Variants in GOLGA2 observed in about 807,000 individuals in gnomAD.
GOLGA2 encodes the protein golgin subfamily A member 2.
In GOLGA2, 49 loss-of-function variants were observed where a neutral mutation model predicts 148.8. The ratio of observed to expected loss-of-function variants is 0.33; its 90% confidence interval spans 0.26 to 0.42. GOLGA2 has a LOEUF of 0.42. Among genes scored for constraint, GOLGA2 ranks in the 10% least tolerant of loss-of-function variants. The pLI, the probability that GOLGA2 is intolerant of heterozygous loss-of-function variation, is 1.00. For synonymous variants in GOLGA2, 501 were observed against 511.8 expected (o/e 0.98, Z 0.28); for missense variants, 1,178 against 1,304.6 (o/e 0.90, Z 1.49).
At position 128,261,700 on chromosome 9, in the gene GOLGA2, C is replaced by T. The variant is rs1247707457; in HGVS notation, c.1192G>A (p.Glu398Lys). The T allele has an allele frequency of 1.2e-6, 2 of 1,612,966 alleles. No homozygotes were observed. Among genetic ancestry groups the T allele is most frequent in the Non-Finnish European group, 1.7e-6 (2 of 1,179,020 alleles). The stretch of plus-strand genomic sequence containing the variant: ...AGGTGTGCTTCCAGCTGTGCCCGCT[C>T]CTCCATGGCCTGCTGTAACTGCTGG... ...ANQQLQQAMEERAQLEAHLGQ... is the reference protein window; with the variant it reads ...ANQQLQQAMEKRAQLEAHLGQ... The change falls in exon 15 of 27, where the codon GAG (glutamate) becomes AAG (lysine). Residue 398 changes from glutamate (E) to lysine (K), a missense_variant. Transcript: ENST00000611957. This position sits in a 1 kb window ranked among gnomAD's most constrained non-coding sequence, Gnocchi z 5.7.
Position 128,266,357 on chromosome 9 carries a change from G to T in GOLGA2, c.643-32C>A. ...GGAAGAGTCAAAGGAAGGTGACTGA[G>T]GGTGGCCCCCTCAACTCTATTCCCC... On this transcript the variant is annotated intron_variant, in intron 8 of 26. Transcript: ENST00000611957. The surrounding 1 kb of genome is among the most constrained non-coding windows in gnomAD (Gnocchi z 4.2). The T allele has an allele frequency of 6.2e-7, 1 of 1,602,400 alleles. No homozygotes were observed. The highest frequency in any genetic ancestry group is 8.5e-7 in the Non-Finnish European group (1 of 1,170,806).
In GOLGA2 at chr9:128,266,257, T is replaced by C. The variant is rs748018942; in HGVS notation, c.681+30A>G. Reference sequence around the variant, plus strand: ...GAATGCCCCCCAAACCCAGCAGTCATGTTGTGAGCAAACAAAGAAATCACG... The same window carrying C: ...GAATGCCCCCCAAACCCAGCAGTCACGTTGTGAGCAAACAAAGAAATCACG... On this transcript the variant is annotated intron_variant, in intron 9 of 26. Coordinates refer to ENST00000611957, the MANE Select transcript of GOLGA2 (RefSeq NM_001366244.2). The surrounding 1 kb of genome is among the most constrained non-coding windows in gnomAD (Gnocchi z 4.2). The C allele has an allele frequency of 1.3e-6, 2 of 1,589,616 alleles. No individual in the cohort carries two copies. The highest frequency in any genetic ancestry group is 1.7e-6 in the Non-Finnish European group (2 of 1,158,066).
intron 3 of GOLGA2, among the ~76,000 whole-genome samples, chr9:128,270,727 C>T (rs146178888): frequency 1.1e-3 from 164 of 151,914 alleles, no homozygotes; most frequent in East Asian, 7.5e-3. Flanking sequence ...ACATTGGAAA[C>T]AGTTACGGAT....
chr9:128,268,043 G>A (rs1830704564), intron 5 of GOLGA2, 46 bp from the exon 6 acceptor site: 1 of 1,603,182 alleles, frequency 6.2e-7, no homozygotes, highest in Admixed American at 1.7e-5. Flanking sequence ...GGCTCAATGG[G>A]AAAGAAGGTC....
intron 3 of GOLGA2, among the ~76,000 whole-genome samples, chr9:128,269,978 C>A (rs529661710): frequency 8.5e-5 from 13 of 152,110 alleles, no homozygotes; most frequent in Non-Finnish European, 1.6e-4. Flanking sequence ...TCTAATAGGT[C>A]AGAGCAAGGG....
In GOLGA2 at chr9:128,256,392, A is replaced by T; in HGVS notation, c.*675T>A. On this transcript the variant is annotated 3_prime_UTR_variant, in exon 27 of 27. Coordinates refer to ENST00000611957, the MANE Select transcript of GOLGA2 (RefSeq NM_001366244.2). The stretch of plus-strand genomic sequence containing the variant: ...TGTAAGAGTAAAGGGATGACTGGGA[A>T]GGGGTGGCAGGCACATGATGGGGGC... 1 of 152,384 alleles carries T rather than the reference A, an allele frequency of 6.6e-6. No individual in the cohort carries two copies. The highest frequency in any genetic ancestry group is 1.5e-5 in the Non-Finnish European group (1 of 68,138). 9.4% of individuals were successfully genotyped at this position (152,384 alleles called of 1,614,324 possible). A position where few individuals can be genotyped will look rare whatever the true frequency, so the allele number is the denominator to read the frequency against.
In GOLGA2 at chr9:128,272,041, A is replaced by T. The variant is rs1273944806; in HGVS notation, c.288+744T>A. ...CTCTTAAACCAAAGTGAATTAATTT[A>T]AAAAAAAAAAAAAAACACTAACTTC... On this transcript the variant is annotated intron_variant, in intron 3 of 26. Transcript: ENST00000611957. Among the ~76,000 whole-genome samples the T allele has an allele frequency of 2.2e-4, 22 of 99,690 alleles. No individual in the cohort carries two copies. The South Asian group carries it at 4.1e-3, about 18-fold the overall frequency. 65.4% of individuals were successfully genotyped at this position (99,690 alleles called of 152,430 possible). A position where few individuals can be genotyped will look rare whatever the true frequency, so the allele number is the denominator to read the frequency against.
chr9:128,267,205 T>A lies in GOLGA2; in HGVS notation c.631A>T (p.Ile211Leu), dbSNP rs201351156. ...YVTNKQLNIT[I>L]EKLKQQNQEI... ...CACTGGACTCTTACCAATTTCTCTATCGTGATATTGAGTTGTTTGTTTGTT... is the reference window on the plus strand; with the variant it reads ...CACTGGACTCTTACCAATTTCTCTAACGTGATATTGAGTTGTTTGTTTGTT... The change falls in exon 8 of 27, where the codon ATA becomes TTA. Residue 211 changes from isoleucine to leucine, a missense_variant. Coordinates refer to ENST00000611957, the MANE Select transcript of GOLGA2 (RefSeq NM_001366244.2). 1.9e-6 allele frequency: 3 copies of A among 1,589,892 alleles called. No homozygotes were observed. Among genetic ancestry groups the A allele is most frequent in the Non-Finnish European group, 2.6e-6 (3 of 1,157,994 alleles).
chr9:128,257,640 C>G lies in GOLGA2; in HGVS notation c.2679G>C (p.Glu893Asp), dbSNP rs1232582964. Residue 893 changes from glutamate to aspartate, a missense_variant, in exon 25 of 27, where the codon GAG becomes GAC. Transcript: ENST00000611957. The surrounding 1 kb of genome is among the most constrained non-coding windows in gnomAD (Gnocchi z 8.0). The stretch of plus-strand genomic sequence containing the variant: ...TGTCTTGGGCCAGCCTGCTGATGTA[C>G]TCCTCCTTCTCCCGGTGCCGCTCCT... The part of the protein sequence containing the change: ...VLKERHREKE[E>D]YISRLAQDKE... 1 of 1,614,164 alleles carries G rather than the reference C, an allele frequency of 6.2e-7. No homozygotes were observed. Among genetic ancestry groups the G allele is most frequent in the Non-Finnish European group, 8.5e-7 (1 of 1,180,022 alleles).
chr9:128,267,389 C>T, intron 7 of GOLGA2, 69 bp downstream of exon 7: 1 of 1,484,028 alleles, frequency 6.7e-7, no homozygotes, highest in Non-Finnish European at 9.4e-7. Context: ...GGGCACCCAG[C>T]CCCCGCTGTG....
intron 1 of GOLGA2, chr9:128,275,522 G>A (rs953766859): frequency 2.8e-5 from 36 of 1,302,188 alleles, no homozygotes; most frequent in Admixed American, 3.9e-5. Flanking sequence ...GGAGCGGGGG[G>A]CCCCGGGAGT....
In GOLGA2 at chr9:128,265,578, G is replaced by GAA; in HGVS notation, c.933+6_933+7insTT. On this transcript the variant is annotated splice_region_variant and intron_variant, in intron 12 of 26. Coordinates refer to ENST00000611957, the MANE Select transcript of GOLGA2 (RefSeq NM_001366244.2). ...TGCCAGGGGACGGGGCAGGCAGTTGGACTCACCCTGTCTGCCTTCTTCTGC... is the reference window on the plus strand; with the variant it reads ...TGCCAGGGGACGGGGCAGGCAGTTGGAAACTCACCCTGTCTGCCTTCTTCTGC... 2.5e-6 allele frequency: 4 copies of GAA among 1,597,244 alleles called. No individual in the cohort carries two copies. The highest frequency in any genetic ancestry group is 3.4e-6 in the Non-Finnish European group (4 of 1,164,996).
chr9:128,256,840 C>A lies in GOLGA2; in HGVS notation c.*227G>T. On this transcript the variant is annotated 3_prime_UTR_variant, in exon 27 of 27. Transcript: ENST00000611957. ...ATAAGTTACCCATAACCTTTTTTAT[C>A]CCATAACTTTTTTTAATCCCATAAC... 2.5e-6 allele frequency: 1 copy of A among 399,668 alleles called. No individual in the cohort carries two copies. The highest frequency in any genetic ancestry group is 4.4e-5 in the South Asian group (1 of 22,742). The allele number at this position is 399,668 out of a possible 1,614,324, so 24.8% of individuals were successfully genotyped here. A position where few individuals can be genotyped will look rare whatever the true frequency, so the allele number is the denominator to read the frequency against.
chr9:128,258,894 G>A lies in GOLGA2; in HGVS notation c.2173+113C>T. 3.8e-6 allele frequency: 3 copies of A among 786,752 alleles called. No homozygotes were observed. Among genetic ancestry groups the A allele is most frequent in the Middle Eastern group, 2.4e-4 (1 of 4,128 alleles). The allele number at this position is 786,752 out of a possible 1,614,324, so 48.7% of individuals were successfully genotyped here. Reference sequence around the variant, plus strand: ...CCGAACTTAGTGTGGACACCCAGTTGGCATAATGACCAGCTGTTCTAAAGG... The same window carrying A: ...CCGAACTTAGTGTGGACACCCAGTTAGCATAATGACCAGCTGTTCTAAAGG... On this transcript the variant is annotated intron_variant, in intron 21 of 26. Coordinates refer to ENST00000611957, the MANE Select transcript of GOLGA2 (RefSeq NM_001366244.2). This position sits in a 1 kb window ranked among gnomAD's most constrained non-coding sequence, Gnocchi z 6.6.
rs1830297239 is a variant in GOLGA2 at position 128,261,821 on chromosome 9, T to C, written c.1135-64A>G. On this transcript the variant is annotated intron_variant, in intron 14 of 26. Transcript: ENST00000611957. The surrounding 1 kb of genome is among the most constrained non-coding windows in gnomAD (Gnocchi z 5.7). ...CCAGGCCGTTCCAAATAGTGCCCCT[T>C]AAAAGGGCTAGGGCTAGGCTCAATG... The C allele has an allele frequency of 9.9e-7, 1 of 1,006,962 alleles. No individual in the cohort carries two copies. The allele number at this position is 1,006,962 out of a possible 1,614,324, so 62.4% of individuals were successfully genotyped here.
Position 128,275,915 on chromosome 9 carries a change from T to A in GOLGA2, c.62A>T (p.Lys21Ile). The change falls in exon 1 of 27, where the codon AAA becomes ATA. Residue 21 changes from lysine (K) to isoleucine (I), a missense_variant. Physicochemically the swap from Lys to Ile is moderately radical, Grantham distance 102. Coordinates refer to ENST00000611957, the MANE Select transcript of GOLGA2 (RefSeq NM_001366244.2). Reference protein sequence around the residue: ...PAMSEETRQSKLAAAKKKLRE... With the variant: ...PAMSEETRQSILAAAKKKLRE... ...TACCTTTTTCTTCGCTGCGGCCAAT[T>A]TGCTCTGTCGGGTTTCTTCCGACAT... 1 of 1,587,296 alleles carries A rather than the reference T, an allele frequency of 6.3e-7. No individual in the cohort carries two copies. The highest frequency in any genetic ancestry group is 8.6e-7 in the Non-Finnish European group (1 of 1,166,160).
intron 12 of GOLGA2, 149 bp from the exon 13 acceptor site, chr9:128,263,241 G>A (rs1830383432): frequency 9.0e-6 from 6 of 668,218 alleles, no homozygotes; most frequent in African/African-American, 1.8e-5. Flanking sequence ...CAAGCCCATG[G>A]TCTCATTTTG....
At chr9:128,267,330 G>T in intron 7 of GOLGA2, 56 bp from the exon 8 acceptor site, 1 of 1,411,040 alleles carries the variant, frequency 7.1e-7, no homozygotes, top group Non-Finnish European at 1.0e-6. Context: ...GAGGTAGAGA[G>T]AGCAATCATT....
intron 1 of GOLGA2, chr9:128,275,574 T>C (rs1831279815): frequency 2.7e-6 from 3 of 1,123,902 alleles, no homozygotes; most frequent in African/African-American, 3.3e-5. Context: ...GCTGAATTGC[T>C]GGGGTCCTAG....
Sources: gnomAD v4.1 joint callset for allele counts (sites outside exome capture counted in the v4.1 genomes callset) on GRCh38, gnomAD v4.1.1 for gene constraint, Gnocchi (gnomAD v3.1) non-coding constraint, MANE v1.5 for transcripts, NCBI Gene and HGNC (gene_info 2026-07-23, HGNC 2026-07-21) for gene names.